UBR3: variants seen among roughly 807,000 people sequenced by gnomAD.
UBR3 encodes E3 ubiquitin-protein ligase UBR3.
Under a neutral mutation model 243.2 loss-of-function variants are expected in UBR3, and 85 were observed. The ratio of observed to expected loss-of-function variants is 0.35; its 90% CI spans 0.29 to 0.42. The LOEUF is 0.42. Among genes scored for constraint, UBR3 ranks in the 10% least tolerant of loss-of-function variants. UBR3 has a pLI of 1.00. For missense variants in UBR3, 1,686 were observed against 2,300.8 expected (o/e 0.73, Z 5.47); for synonymous variants, 748 against 799.8 (o/e 0.94, Z 1.09).
intron 20 of UBR3, among the ~76,000 whole-genome samples, chr2:169,944,474 A>G (rs2086711503): frequency 6.6e-6 from 1 of 152,196 alleles, no homozygotes; most frequent in Non-Finnish European, 1.5e-5. Context: ...AAATAAAAAG[A>G]CAATGTTTTA....
At chr2:169,841,369 G>C (rs1329952993) in intron 1 of UBR3, among the ~76,000 whole-genome samples, 1 of 151,662 alleles carries the variant, frequency 6.6e-6, no homozygotes, top group East Asian at 1.9e-4. Context: ...ACAGCGTGCT[G>C]GCAGTCCTCA....
intron 11 of UBR3, among the ~76,000 whole-genome samples, chr2:169,920,219 A>G (rs1183648196): frequency 9.2e-5 from 14 of 152,168 alleles, no homozygotes; most frequent in Non-Finnish European, 1.6e-4. Flanking sequence ...TGCAAGGACA[A>G]AAAACCAAAC....
At chr2:169,852,850 CAAAAAAAAA>C (rs869283640) in intron 1 of UBR3, among the ~76,000 whole-genome samples, 739 of 48,256 alleles carry the variant, frequency 0.015, 7 homozygotes, top group African/African-American at 0.066. Context: ...GACTTCATCT[CAAAAAAAAA>C]AAAAAAAAAA....
At chr2:169,893,937 T>A (rs1383675981) in intron 6 of UBR3, among the ~76,000 whole-genome samples, 1 of 152,140 alleles carries the variant, frequency 6.6e-6, no homozygotes, top group East Asian at 1.9e-4. Flanking sequence ...TTACTTTTTA[T>A]CTTTGAATCT....
At chr2:170,073,307 AG>A in intron 35 of UBR3, 120 bp from the exon 36 acceptor site, 1 of 1,111,842 alleles carries the variant, frequency 9.0e-7, no homozygotes, top group Non-Finnish European at 1.3e-6. Context: ...ACTTTTTTTC[AG>A]TTGACTCAGT....
chr2:170,005,051 G>T (rs191521342), intron 27 of UBR3, among the ~76,000 whole-genome samples: 2 of 151,744 alleles, frequency 1.3e-5, no homozygotes, highest in South Asian at 4.2e-4. Context: ...GTGAAACCCC[G>T]TCTCTACCAA....
At chr2:169,918,672 C>G (rs968473605) in intron 11 of UBR3, among the ~76,000 whole-genome samples, 1 of 151,922 alleles carries the variant, frequency 6.6e-6, no homozygotes, top group African/African-American at 2.4e-5. Context: ...CATATAGAAA[C>G]AGGAGATGGA....
intron 28 of UBR3, 37 bp from the exon 29 acceptor site, chr2:170,008,767 A>G (rs746940595): frequency 9.9e-7 from 1 of 1,011,182 alleles, no homozygotes; most frequent in Non-Finnish European, 1.4e-6. Context: ...AAGAAAGTGA[A>G]TATAAACTTT....
rs542421794 is a variant in UBR3 at position 170,081,865 on chromosome 2, C to T, written c.*22C>T. 3.1e-5 allele frequency: 45 copies of T among 1,430,242 alleles called. No homozygotes were observed. The highest frequency in any genetic ancestry group is 1.7e-4 in the South Asian group (12 of 72,074). The allele number at this position is 1,430,242 out of a possible 1,614,324, so 88.6% of individuals were successfully genotyped here. A position where few individuals can be genotyped will look rare whatever the true frequency, so the allele number is the denominator to read the frequency against. ...GTGACTCTCCACCTCAGCATTGCATCGTATCATCATTTTCGCTACGAATTT... is the reference window on the plus strand; with the variant it reads ...GTGACTCTCCACCTCAGCATTGCATTGTATCATCATTTTCGCTACGAATTT... On this transcript the variant is annotated 3_prime_UTR_variant, in exon 39 of 39. Coordinates refer to ENST00000272793, the MANE Select transcript of UBR3 (RefSeq NM_172070.4).
chr2:169,856,291 C>T (rs1185305814), intron 1 of UBR3, among the ~76,000 whole-genome samples: 5 of 151,008 alleles, frequency 3.3e-5, no homozygotes, highest in Admixed American at 6.6e-5. Context: ...CGGGCAGAGA[C>T]GCTCCTCACT....
chr2:170,032,580 CTTTTTTTTTTTTTTTT>C (rs6147023), intron 31 of UBR3, among the ~76,000 whole-genome samples: 7 of 20,440 alleles, frequency 3.4e-4, no homozygotes, highest in Non-Finnish European at 5.9e-4. Context: ...ATGACATTCA[CTTTTTTTTTTTTTTTT>C]TTTTTTTTTT....
chr2:169,830,595 T>C (rs1223413671), intron 1 of UBR3, among the ~76,000 whole-genome samples: 1 of 152,100 alleles, frequency 6.6e-6, no homozygotes, highest in East Asian at 1.9e-4. Flanking sequence ...CATTTCTCTT[T>C]ACTGCCCCTA....
intron 24 of UBR3, among the ~76,000 whole-genome samples, chr2:169,972,478 T>C (rs368448397): frequency 3.9e-5 from 6 of 152,066 alleles, no homozygotes; most frequent in African/African-American, 9.7e-5. Flanking sequence ...GAATTTTAGA[T>C]CAATATCCTT....
At chr2:169,899,359 C>A (rs1339660217) in intron 8 of UBR3, among the ~76,000 whole-genome samples, 3 of 152,154 alleles carry the variant, frequency 2.0e-5, no homozygotes, top group African/African-American at 2.4e-5. Flanking sequence ...ATGATCTATT[C>A]TTTCCTAGAG....
intron 31 of UBR3, among the ~76,000 whole-genome samples, chr2:170,034,645 G>T (rs2090776122): frequency 6.6e-6 from 1 of 151,014 alleles, no homozygotes; most frequent in African/African-American, 2.4e-5. Flanking sequence ...TCTGTGTGCA[G>T]GTTTTTGCGT....
At chr2:169,895,496 A>C (rs2084548332) in intron 7 of UBR3, among the ~76,000 whole-genome samples, 185 bp downstream of exon 7, 1 of 152,374 alleles carries the variant, frequency 6.6e-6, no homozygotes, top group African/African-American at 2.4e-5. Context: ...GTGGCAAAGC[A>C]GCATTACTCA....
chr2:169,937,421 G>T (rs543363107), intron 19 of UBR3, among the ~76,000 whole-genome samples: 1 of 152,200 alleles, frequency 6.6e-6, no homozygotes, highest in African/African-American at 2.4e-5. Context: ...TTTGTCAGAT[G>T]AGTAGATTGC....
chr2:169,945,799 C>A (rs970047628), intron 20 of UBR3, among the ~76,000 whole-genome samples: 1 of 152,124 alleles, frequency 6.6e-6, no homozygotes, highest in African/African-American at 2.4e-5. Flanking sequence ...CTCAGAGAAG[C>A]CTTTTTACTA....
chr2:169,848,334 GTTT>G (rs397966443), intron 1 of UBR3, among the ~76,000 whole-genome samples: 3 of 129,540 alleles, frequency 2.3e-5, no homozygotes. Flanking sequence ...AAGTATCATA[GTTT>G]TTTTTTTTTT....
Sources: allele counts gnomAD v4.1 joint callset (sites outside exome capture counted in the v4.1 genomes callset), GRCh38; gene constraint gnomAD v4.1.1; transcripts MANE v1.5; gene names NCBI Gene and HGNC (gene_info 2026-07-23, HGNC 2026-07-21).